PCLO: variants seen among roughly 807,000 people sequenced by gnomAD.
PCLO encodes protein piccolo.
PCLO carries 82 observed loss-of-function variants against 427.5 expected under a neutral mutation model. The observed-to-expected ratio is 0.19, with a 90% CI of 0.16 to 0.23. The LOEUF (loss-of-function observed/expected upper bound fraction) is 0.23, where lower values mean the gene tolerates loss of function less well. Ranked by LOEUF, PCLO falls within the 10% of genes least tolerant of loss-of-function variation. PCLO has a pLI of 1.00. For synonymous variants in PCLO, 2,357 were observed against 2,155.4 expected, an observed-to-expected ratio of 1.09 and a Z score of -2.59; for missense variants, 6,239 against 6,115.9, an observed-to-expected ratio of 1.02 and a Z score of -0.67.
intron 2 of PCLO, among the ~76,000 whole-genome samples, chr7:83,142,730 A>G (rs1791892212): frequency 6.6e-6 from 1 of 152,148 alleles, no homozygotes; most frequent in Admixed American, 6.5e-5. Flanking sequence ...AGGCCAAAGC[A>G]GGCGGATCAC....
At chr7:83,016,608 C>G (rs1788213569) in intron 3 of PCLO, among the ~76,000 whole-genome samples, 1 of 152,006 alleles carries the variant, frequency 6.6e-6, no homozygotes, top group African/African-American at 2.4e-5. Flanking sequence ...AGAAATAGGT[C>G]TACTATAGAG....
At chr7:83,124,263 G>A (rs2116574785) in intron 3 of PCLO, among the ~76,000 whole-genome samples, 1 of 151,132 alleles carries the variant, frequency 6.6e-6, no homozygotes, top group African/African-American at 2.4e-5. Context: ...CTTGCAGTGA[G>A]CCGAGATAGC....
chr7:83,052,453 A>C (rs191348133), intron 3 of PCLO, among the ~76,000 whole-genome samples: 13 of 152,202 alleles, frequency 8.5e-5, no homozygotes, highest in African/African-American at 2.9e-4. Context: ...CTTAACTTCC[A>C]TAAGACTACA....
At chr7:82,968,865 A>G (rs1795840083) in intron 3 of PCLO, among the ~76,000 whole-genome samples, 1 of 152,138 alleles carries the variant, frequency 6.6e-6, no homozygotes, top group Non-Finnish European at 1.5e-5. Context: ...GAATGGCTGC[A>G]TTACCGTGCT....
At chr7:82,911,912 C>T (rs1346437588) in intron 7 of PCLO, among the ~76,000 whole-genome samples, 2 of 152,104 alleles carry the variant, frequency 1.3e-5, no homozygotes, top group South Asian at 2.1e-4. Flanking sequence ...TGAGCCACCA[C>T]GTCTGGCCTG....
At chr7:82,779,838 C>T (rs1346574606) in intron 22 of PCLO, among the ~76,000 whole-genome samples, 2 of 148,912 alleles carry the variant, frequency 1.3e-5, no homozygotes, top group African/African-American at 2.5e-5. Flanking sequence ...ATTTTTGTCT[C>T]ATCGTTGCAA....
Position 82,954,790 on chromosome 7 carries a change from C to T in PCLO, c.6163G>A (p.Glu2055Lys), listed in dbSNP as rs891407412. 1.2e-6 allele frequency: 2 copies of T among 1,613,674 alleles called. No homozygotes were observed. Among genetic ancestry groups the T allele is most frequent in the African/African-American group, 1.3e-5 (1 of 74,886 alleles). The change falls in exon 5 of 25, where the codon GAA (glutamate) becomes AAA (lysine). Residue 2055 changes from glutamate to lysine, a missense_variant. Physicochemically the swap from Glu to Lys is moderately conservative, Grantham distance 56. Coordinates refer to ENST00000333891, the MANE Select transcript of PCLO (RefSeq NM_033026.6). The stretch of plus-strand genomic sequence containing the variant: ...GCATCAGCATCTAGTAGTTTCCTTT[C>T]TTCTTCTGTAGAAGTTACCATAGTA... ...LGTMVTSTEE[E>K]RKLLDADAAY...
chr7:83,029,854 C>T (rs1025557243), intron 3 of PCLO, among the ~76,000 whole-genome samples: 7 of 146,232 alleles, frequency 4.8e-5, no homozygotes, highest in Admixed American at 1.4e-4. Flanking sequence ...AGTAAACTAT[C>T]GCAAGAACAA....
rs537794632 is a variant in PCLO at position 82,784,470 on chromosome 7, A to C, written c.15007+17048T>G. On this transcript the variant is annotated intron_variant, in intron 22 of 24. Transcript: ENST00000333891. Reference sequence around the variant, plus strand: ...AAGATTTTTTTTCTTTTTTAATTGCAGATGCCCAGAATTGAATTGCCCGTA... The same window carrying C: ...AAGATTTTTTTTCTTTTTTAATTGCCGATGCCCAGAATTGAATTGCCCGTA... Among the ~76,000 whole-genome samples the C allele has an allele frequency of 9.9e-5, 15 of 152,276 alleles. No homozygotes were observed. In the South Asian group the frequency reaches 3.1e-3, roughly 32 times the overall value.
intron 6 of PCLO, among the ~76,000 whole-genome samples, chr7:82,940,758 T>TC (rs1203842390): frequency 1.9e-3 from 61 of 31,324 alleles, no homozygotes; most frequent in African/African-American, 6.1e-3. Flanking sequence ...TTTCTTTCTT[T>TC]TTTTTTTTTT....
Position 82,953,647 on chromosome 7 carries a change from T to C in PCLO, c.7306A>G (p.Thr2436Ala). 3 of 1,567,344 alleles carry C rather than the reference T, an allele frequency of 1.9e-6. No homozygotes were observed. The highest frequency in any genetic ancestry group is 2.6e-6 in the Non-Finnish European group (3 of 1,158,434). The change falls in exon 5 of 25, where the codon ACT becomes GCT. Residue 2436 changes from threonine to alanine, a missense_variant. By Grantham distance (58) the Thr-to-Ala change is moderately conservative. Coordinates refer to ENST00000333891, the MANE Select transcript of PCLO (RefSeq NM_033026.6). The stretch of plus-strand genomic sequence containing the variant: ...GTTAACTTTTTTTTAGGAAGAATAG[T>C]TGGTTTAGGTGAAGTTGGTGGAGGA... ...PLPPPTSPKP[T>A]ILPKKKLTVA... is the part of the protein sequence containing the mutation.
At chr7:82,786,508 T>A (rs1475643371) in intron 22 of PCLO, among the ~76,000 whole-genome samples, 1 of 152,200 alleles carries the variant, frequency 6.6e-6, no homozygotes, top group Non-Finnish European at 1.5e-5. Context: ...ATTATCATGT[T>A]TGCCATTACA....
intron 22 of PCLO, among the ~76,000 whole-genome samples, chr7:82,768,657 A>G (rs1790583864): frequency 6.6e-6 from 1 of 152,094 alleles, no homozygotes; most frequent in Admixed American, 6.6e-5. Flanking sequence ...CTCTTTAGCT[A>G]AAGTGTTTCT....
intron 14 of PCLO, among the ~76,000 whole-genome samples, chr7:82,840,454 T>A (rs1388078348): frequency 2.0e-5 from 3 of 152,096 alleles, no homozygotes; most frequent in African/African-American, 4.8e-5. Context: ...CACATTCTTT[T>A]CAAATAGTCT....
At chr7:82,902,784 C>T in intron 8 of PCLO, 43 bp from the exon 9 acceptor site, 1 of 953,980 alleles carries the variant, frequency 1.0e-6, no homozygotes, top group South Asian at 1.3e-5. Flanking sequence ...GCATTAAAGA[C>T]ACTTAAAGTG....
intron 3 of PCLO, among the ~76,000 whole-genome samples, chr7:83,076,258 T>C (rs1384876578): frequency 6.6e-6 from 1 of 152,024 alleles, no homozygotes; most frequent in Non-Finnish European, 1.5e-5. Context: ...AAAGGGTAAA[T>C]GGTGGAGCCA....
At chr7:82,778,301 T>G (rs1790797620) in intron 22 of PCLO, among the ~76,000 whole-genome samples, 1 of 152,112 alleles carries the variant, frequency 6.6e-6, no homozygotes, top group East Asian at 1.9e-4. Flanking sequence ...AAGAGAACAC[T>G]TGTATGCTGT....
intron 16 of PCLO, among the ~76,000 whole-genome samples, chr7:82,832,214 T>C: frequency 6.6e-6 from 1 of 152,300 alleles, no homozygotes; most frequent in Non-Finnish European, 1.5e-5. Flanking sequence ...TCAAAAAATA[T>C]CTAAAACTTC....
intron 10 of PCLO, among the ~76,000 whole-genome samples, chr7:82,866,714 T>A (rs2115953015): frequency 6.6e-6 from 1 of 151,764 alleles, no homozygotes; most frequent in Admixed American, 6.6e-5. Flanking sequence ...AATATGAATT[T>A]CTTGAGGACT....
Sources: allele counts gnomAD v4.1 joint callset (sites outside exome capture counted in the v4.1 genomes callset), GRCh38; gene constraint gnomAD v4.1.1; transcripts MANE v1.5; gene names NCBI Gene and HGNC (gene_info 2026-07-23, HGNC 2026-07-21).